The following INPP5F variants were observed in gnomAD, a reference collection of about 807,000 sequenced individuals.
The protein encoded by INPP5F is phosphatidylinositide 4-phosphatase SAC2.
Under a neutral mutation model 137.2 loss-of-function variants are expected in INPP5F, and 97 were observed. That is an observed-to-expected ratio of 0.71 (90% CI 0.60 to 0.84). The LOEUF is 0.84. Among genes scored for constraint, INPP5F ranks in the 40% least tolerant of loss-of-function variants. The probability of loss-of-function intolerance (pLI) is 0.00; values close to 1 mark genes in which losing one functional copy is unlikely to be tolerated. For missense variants in INPP5F, 1,271 were observed against 1,371.9 expected, an observed-to-expected ratio of 0.93 and a Z score of 1.16; for synonymous variants, 504 against 476.9, an observed-to-expected ratio of 1.06 and a Z score of -0.74.
chr10:119,823,229 G>T, intron 18 of INPP5F, 30 bp downstream of exon 18: 1 of 1,601,038 alleles, frequency 6.2e-7, no homozygotes, highest in Non-Finnish European at 8.5e-7. Flanking sequence ...AAAGTATTCA[G>T]TGAAAACTTT....
In INPP5F at chr10:119,811,907, A is replaced by G. The variant is rs1405198462; in HGVS notation, c.1838A>G (p.Asp613Gly). Residue 613 changes from aspartate (D) to glycine (G), a missense_variant, in exon 15 of 20, where the codon GAT (aspartate) becomes GGT (glycine). Coordinates refer to ENST00000650623, the MANE Select transcript of INPP5F (RefSeq NM_014937.4). Reference protein sequence around the residue: ...LQSYMKLLLPDDEKFHGGWAL... With the variant: ...LQSYMKLLLPGDEKFHGGWAL... ...AGTTACATGAAGTTACTACTGCCTG[A>G]TGATGAGAAGTTCCATGGGGGCTGG... The G allele has an allele frequency of 1.2e-6, 2 of 1,614,224 alleles. No homozygotes were observed. The highest frequency in any genetic ancestry group is 1.7e-6 in the Non-Finnish European group (2 of 1,180,024).
chr10:119,799,156 A>T (rs1850497539), intron 9 of INPP5F, among the ~76,000 whole-genome samples: 1 of 152,186 alleles, frequency 6.6e-6, no homozygotes, highest in Non-Finnish European at 1.5e-5. Flanking sequence ...TATAAACCAA[A>T]ATCAACTGAA....
At chr10:119,731,063 A>G (rs1474524769) in intron 1 of INPP5F, among the ~76,000 whole-genome samples, 1 of 152,164 alleles carries the variant, frequency 6.6e-6, no homozygotes, top group Non-Finnish European at 1.5e-5. Flanking sequence ...CTGGGATTAC[A>G]GGCATGAGCC....
intron 2 of INPP5F, among the ~76,000 whole-genome samples, chr10:119,762,515 C>T (rs908807922): frequency 1.3e-5 from 2 of 152,126 alleles, no homozygotes; most frequent in African/African-American, 4.8e-5. Flanking sequence ...CATACAGTCA[C>T]GGTCCTCCCT....
At chr10:119,794,866 C>A (rs868796728) in intron 6 of INPP5F, among the ~76,000 whole-genome samples, 2 of 114,450 alleles carry the variant, frequency 1.7e-5, no homozygotes, top group Admixed American at 8.1e-5. Flanking sequence ...CTCCCCACCT[C>A]CCTCCCGGAC....
chr10:119,803,969 TAAATG>T (rs1478799399), intron 9 of INPP5F, among the ~76,000 whole-genome samples, 199 bp from the exon 10 acceptor site: 1 of 152,216 alleles, frequency 6.6e-6, no homozygotes, highest in East Asian at 1.9e-4. Context: ...CTCACAAACT[TAAATG>T]TATGTAACAA....
At chr10:119,744,550 T>C (rs1237246122) in intron 1 of INPP5F, among the ~76,000 whole-genome samples, 1 of 152,126 alleles carries the variant, frequency 6.6e-6, no homozygotes, top group Non-Finnish European at 1.5e-5. Context: ...CTTATCTCTT[T>C]CTTGTTTTTG....
chr10:119,795,486 C>A (rs961834052), intron 6 of INPP5F, among the ~76,000 whole-genome samples: 4 of 151,458 alleles, frequency 2.6e-5, no homozygotes, highest in Non-Finnish European at 4.4e-5. Flanking sequence ...GATGGGCGGC[C>A]GGGCAGAGAC....
At position 119,808,078 on chromosome 10, in the gene INPP5F, G is replaced by C. The variant is rs1456598143; in HGVS notation, c.1569+18G>C. The C allele has an allele frequency of 6.2e-7, 1 of 1,606,064 alleles. No individual in the cohort carries two copies. Among genetic ancestry groups the C allele is most frequent in the Non-Finnish European group, 8.5e-7 (1 of 1,177,004 alleles). On this transcript the variant is annotated intron_variant, in intron 13 of 19. Coordinates refer to ENST00000650623, the MANE Select transcript of INPP5F (RefSeq NM_014937.4). ...CTCTGAAGGTAAATACTTGCAGGAA[G>C]CATCTGTGGGTCATTATGTAGGACA...
At chr10:119,824,400 T>C (rs1237268093) in intron 19 of INPP5F, among the ~76,000 whole-genome samples, 1 of 152,214 alleles carries the variant, frequency 6.6e-6, no homozygotes, top group East Asian at 1.9e-4. Context: ...GTCAGCTGTT[T>C]TGTAGAACAT....
intron 1 of INPP5F, among the ~76,000 whole-genome samples, chr10:119,743,087 C>A (rs1002194002): frequency 6.6e-6 from 1 of 152,190 alleles, no homozygotes; most frequent in Admixed American, 6.5e-5. Context: ...AGTTACTTTA[C>A]CTATGCCAGC....
At chr10:119,765,657 C>T (rs1849136426) in intron 2 of INPP5F, among the ~76,000 whole-genome samples, 5 of 149,514 alleles carry the variant, frequency 3.3e-5, no homozygotes, top group African/African-American at 1.2e-4. Context: ...GCTGGGATTA[C>T]GGGTGTGAGC....
In INPP5F at chr10:119,726,343, C is replaced by A; in HGVS notation, c.81C>A (p.Gly27=). Residue 27 remains glycine, a synonymous_variant, in exon 1 of 20, where the codon GGC becomes GGA. Transcript: ENST00000650623. The part of the protein sequence containing the change: ...RALWCSRRDG[G]LQLRPATDLL... ...TGTGGTGCAGCCGCCGCGACGGCGGCCTCCAGCTCCGACCCGGTGAGGCTG... is the reference window on the plus strand; with the variant it reads ...TGTGGTGCAGCCGCCGCGACGGCGGACTCCAGCTCCGACCCGGTGAGGCTG... The A allele has an allele frequency of 1.4e-6, 2 of 1,443,592 alleles. No homozygotes were observed. The highest frequency in any genetic ancestry group is 1.8e-6 in the Non-Finnish European group (2 of 1,092,826). The allele number at this position is 1,443,592 out of a possible 1,614,324, so 89.4% of individuals were successfully genotyped here.
intron 6 of INPP5F, among the ~76,000 whole-genome samples, chr10:119,796,090 G>A (rs1441344931): frequency 6.8e-6 from 1 of 147,374 alleles, no homozygotes; most frequent in South Asian, 2.2e-4. Flanking sequence ...GGGGGAGGGG[G>A]AGGGGGAGAG....
At chr10:119,784,697 C>G (rs980491227) in intron 3 of INPP5F, among the ~76,000 whole-genome samples, 1 of 152,216 alleles carries the variant, frequency 6.6e-6, no homozygotes, top group Non-Finnish European at 1.5e-5. Context: ...AAAAAATTCA[C>G]ATACCATAAT....
At chr10:119,794,211 G>A (rs1180317460) in intron 6 of INPP5F, among the ~76,000 whole-genome samples, 7 of 151,760 alleles carry the variant, frequency 4.6e-5, no homozygotes, top group Admixed American at 4.6e-4. Flanking sequence ...TTAGGGAGTG[G>A]TGATGACTCT....
intron 15 of INPP5F, chr10:119,815,671 A>G: frequency 3.4e-6 from 1 of 293,356 alleles, no homozygotes. Context: ...GAGCTCCATC[A>G]CTAACCAGGA....
At chr10:119,752,764 G>T (rs1185576753) in intron 2 of INPP5F, among the ~76,000 whole-genome samples, 1 of 151,756 alleles carries the variant, frequency 6.6e-6, no homozygotes, top group Non-Finnish European at 1.5e-5. Flanking sequence ...TGTTGCTAAG[G>T]GTTGTATTTT....
At chr10:119,747,520 T>C (rs1382822201) in intron 1 of INPP5F, among the ~76,000 whole-genome samples, 3 of 152,210 alleles carry the variant, frequency 2.0e-5, no homozygotes, top group Non-Finnish European at 4.4e-5. Flanking sequence ...TGCCTGGCCT[T>C]GCTTTAAAAA....
Sources: allele counts gnomAD v4.1 joint callset (sites outside exome capture counted in the v4.1 genomes callset), GRCh38; gene constraint gnomAD v4.1.1; transcripts MANE v1.5; gene names NCBI Gene and HGNC (gene_info 2026-07-23, HGNC 2026-07-21).